Variants in KMT2B observed in about 807,000 individuals in gnomAD.
KMT2B encodes the protein lysine methyltransferase 2B, also known as histone-lysine N-methyltransferase 2B.
A neutral mutation model predicts 255.3 loss-of-function variants in KMT2B; 22 were observed. That is an observed-to-expected ratio of 0.09 (90% CI 0.06 to 0.12). KMT2B has a LOEUF of 0.12. KMT2B is among the 10% of genes least tolerant of loss of function. The pLI is 1.00. For synonymous variants in KMT2B, 1,730 were observed against 1,498.1 expected (o/e 1.15, Z -3.57); for missense variants, 3,149 against 3,737.0 (o/e 0.84, Z 4.10).
rs1969571581 is a variant in KMT2B, at chr19:35,728,842, A to G, written c.4640A>G (p.Glu1547Gly). The change falls in exon 20 of 37, where the codon GAA becomes GGA. Residue 1547 changes from glutamate to glycine, a missense_variant. By Grantham distance (98) the Glu-to-Gly change is moderately conservative. This residue lies in a region of KMT2B where 377 missense variants were observed against 471.0 expected (regional missense o/e 0.80). Transcript: ENST00000420124. ...GTCTATGCGCAGTGGAGACAGCAGG[A>G]ACCAGAGACCCCAGAATCAGGGCAG... ...DHVYAQWRQQ[E>G]PETPESGQPP... is the part of the protein sequence containing the mutation. The G allele has an allele frequency of 6.2e-7, 1 of 1,613,840 alleles. No homozygotes were observed. Among genetic ancestry groups the G allele is most frequent in the South Asian group, 1.1e-5 (1 of 91,090 alleles).
Position 35,729,087 on chromosome 19 carries a change from C to T in KMT2B, c.4779+11C>T. 1.9e-6 allele frequency: 3 copies of T among 1,614,022 alleles called. No individual in the cohort carries two copies. The highest frequency in any genetic ancestry group is 2.5e-6 in the Non-Finnish European group (3 of 1,179,884). On this transcript the variant is annotated intron_variant, in intron 21 of 36. Coordinates refer to ENST00000420124, the MANE Select transcript of KMT2B (RefSeq NM_014727.3). ...GATGCAGACTCCAAGGTGAGGGCTG[C>T]TCTGTGACGCACCAGGTTGTGGGGC...
chr19:35,729,103 G>A, intron 21 of KMT2B, 27 bp downstream of exon 21: 1 of 1,614,000 alleles, frequency 6.2e-7, no homozygotes, highest in Non-Finnish European at 8.5e-7. Flanking sequence ...GACGCACCAG[G>A]TTGTGGGGCC....
At position 35,737,217 on chromosome 19, in the gene KMT2B, C is replaced by A; in HGVS notation, c.7504C>A (p.Pro2502Thr). ...YHQQGEGQEEPPLNPHGAARA... is the reference protein window; with the variant it reads ...YHQQGEGQEETPLNPHGAARA... Reference sequence around the variant, plus strand: ...CCAGCAGGGAGAGGGCCAGGAGGAGCCGCCCCTGAATCCCCATGGGGCTGC... The same window carrying A: ...CCAGCAGGGAGAGGGCCAGGAGGAGACGCCCCTGAATCCCCATGGGGCTGC... The change falls in exon 33 of 37, where the codon CCG becomes ACG. Residue 2502 changes from proline (P) to threonine (T), a missense_variant. Transcript: ENST00000420124. The surrounding 1 kb of genome is among the most constrained non-coding windows in gnomAD (Gnocchi z 5.3). 6.3e-7 allele frequency: 1 copy of A among 1,580,446 alleles called. No individual in the cohort carries two copies. The highest frequency in any genetic ancestry group is 8.6e-7 in the Non-Finnish European group (1 of 1,163,620).
At chr19:35,724,081 AC>A in intron 8 of KMT2B, 74 bp downstream of exon 8, 2 of 1,386,694 alleles carry the variant, frequency 1.4e-6, no homozygotes, top group Non-Finnish European at 1.9e-6. Flanking sequence ...GGGACAAGGC[AC>A]CCAGACCCAG....
chr19:35,727,519 G>A lies in KMT2B; in HGVS notation c.4199G>A (p.Arg1400His), dbSNP rs371324331. The change falls in exon 16 of 37, where the codon CGC becomes CAC. Residue 1400 changes from arginine (R) to histidine (H), a missense_variant. Transcript: ENST00000420124. The surrounding 1 kb of genome is among the most constrained non-coding windows in gnomAD (Gnocchi z 4.2). The stretch of plus-strand genomic sequence containing the variant: ...CCGTGTGCTGGGGCAGCGCAGCCCC[G>A]CTGGCGAGAGGCCCTGAGCGGGGCC... ...CGPCAGAAQP[R>H]WREALSGALQ... 72 of 1,610,226 alleles carry A rather than the reference G, an allele frequency of 4.5e-5. No individual in the cohort carries two copies. The highest frequency in any genetic ancestry group is 5.9e-5 in the Non-Finnish European group (70 of 1,179,724).
At position 35,727,012 on chromosome 19, in the gene KMT2B, C is replaced by T. The variant is rs1177102982; in HGVS notation, c.4004-144C>T. 5 of 482,562 alleles carry T rather than the reference C, an allele frequency of 1.0e-5. No individual in the cohort carries two copies. The highest frequency in any genetic ancestry group is 7.5e-5 in the Admixed American group (2 of 26,722). The allele number at this position is 482,562 out of a possible 1,614,324, so 29.9% of individuals were successfully genotyped here. ...AAAAAAAAAAAAAAAAAAGCCTCAT[C>T]CTCAAGGAGCTTTTAGGGACTAGTA... is the stretch of plus-strand genomic sequence containing the variant. On this transcript the variant is annotated intron_variant, in intron 14 of 36. Coordinates refer to ENST00000420124, the MANE Select transcript of KMT2B (RefSeq NM_014727.3). This position sits in a 1 kb window ranked among gnomAD's most constrained non-coding sequence, Gnocchi z 4.2.
chr19:35,726,047 C>T (rs1969425953), intron 13 of KMT2B, among the ~76,000 whole-genome samples, 189 bp from the exon 14 acceptor site: 1 of 152,124 alleles, frequency 6.6e-6, no homozygotes, highest in Non-Finnish European at 1.5e-5. Context: ...GCTCAGAATC[C>T]CCTGCTATAG....
Position 35,732,723 on chromosome 19 carries a change from T to A in KMT2B, c.6174T>A (p.Ile2058=). The A allele has an allele frequency of 7.5e-6, 12 of 1,610,418 alleles. No individual in the cohort carries two copies. The highest frequency in any genetic ancestry group is 9.3e-6 in the Non-Finnish European group (11 of 1,178,746). Residue 2058 remains isoleucine (I), a synonymous_variant, in exon 28 of 37, where the codon ATT becomes ATA. Transcript: ENST00000420124. ...GCGCTACCCCTGGAGCCCCCCGCAT[T>A]GAACAGCTGGACGGCGTGGACGACG... ...APSATPGAPR[I]EQLDGVDDGT...
chr19:35,721,374 C>T lies in KMT2B; in HGVS notation c.2027C>T (p.Ala676Val), dbSNP rs1204228886. ...LTPPPLGAPE[A>V]PEPEPPPADD... Reference sequence around the variant, plus strand: ...CCTCCTCCTCTTGGGGCTCCTGAAGCCCCTGAGCCAGAGCCTCCTCCTGCC... The same window carrying T: ...CCTCCTCCTCTTGGGGCTCCTGAAGTCCCTGAGCCAGAGCCTCCTCCTGCC... The change falls in exon 3 of 37, where the codon GCC (alanine) becomes GTC (valine). Residue 676 changes from alanine (A) to valine (V), a missense_variant. By Grantham distance (64) the Ala-to-Val change is moderately conservative. Transcript: ENST00000420124. The T allele has an allele frequency of 1.9e-6, 3 of 1,600,482 alleles. No individual in the cohort carries two copies. The highest frequency in any genetic ancestry group is 1.6e-4 in the Middle Eastern group (1 of 6,070).
In KMT2B at chr19:35,720,160, G is replaced by T. The variant is rs1345399152; in HGVS notation, c.813G>T (p.Gly271=). The T allele has an allele frequency of 5.0e-6, 8 of 1,601,242 alleles. No homozygotes were observed. Among genetic ancestry groups the T allele is most frequent in the Non-Finnish European group, 6.0e-6 (7 of 1,174,518 alleles). Residue 271 remains glycine (G), a synonymous_variant, in exon 3 of 37, where the codon GGG becomes GGT. Transcript: ENST00000420124. The part of the protein sequence containing the change: ...HQTGSWKCKE[G]PGPGPGTPRR... ...CTGGCAGCTGGAAATGCAAGGAGGG[G>T]CCCGGTCCAGGACCTGGGACCCCCA...
rs971107355 is a variant in KMT2B, at chr19:35,730,338, C to A, written c.5077-4C>A. 4 of 1,610,228 alleles carry A rather than the reference C, an allele frequency of 2.5e-6. No homozygotes were observed. In the African/African-American group the frequency reaches 5.3e-5, roughly 22 times the overall value. On this transcript the variant is annotated splice_region_variant and splice_polypyrimidine_tract_variant and intron_variant, in intron 23 of 36. Transcript: ENST00000420124. ...CCACCTCACTTTGCCACCCCCTCTT[C>A]CAGGAAATTGTGAACCCCGATGGTT...
In KMT2B at chr19:35,725,400, G is replaced by C. The variant is rs1969394784; in HGVS notation, c.3642+67G>C. 22 of 1,580,148 alleles carry C rather than the reference G, an allele frequency of 1.4e-5. No individual in the cohort carries two copies. The highest frequency in any genetic ancestry group is 1.8e-5 in the Non-Finnish European group (21 of 1,162,082). ...CGGTCCTCACGGCCTGATTCCTTGG[G>C]CCCTCTCAGCTGGGTCTCATCCCTT... is the stretch of plus-strand genomic sequence containing the variant. On this transcript the variant is annotated intron_variant, in intron 11 of 36. Transcript: ENST00000420124. The surrounding 1 kb of genome is among the most constrained non-coding windows in gnomAD (Gnocchi z 4.1).
chr19:35,733,303 G>GGGCCCC lies in KMT2B; in HGVS notation c.6754_6755insGGCCCC (p.Ala2252delinsGlyProPro). 7.5e-7 allele frequency: 1 copy of GGGCCCC among 1,340,094 alleles called. No homozygotes were observed. The highest frequency in any genetic ancestry group is 1.0e-6 in the Non-Finnish European group (1 of 961,262). The allele number at this position is 1,340,094 out of a possible 1,614,324, so 83.0% of individuals were successfully genotyped here. ...GCCCGTGGTCGGAGTGGTCCGCCCT[G>GGGCCCC]CCCCGCCCCCGCCACCCCCTCCCCT... On this transcript the variant is annotated protein_altering_variant, in exon 28 of 37. Transcript: ENST00000420124. The surrounding 1 kb of genome is among the most constrained non-coding windows in gnomAD (Gnocchi z 4.3).
At position 35,720,005 on chromosome 19, in the gene KMT2B, C is replaced by G; in HGVS notation, c.658C>G (p.Arg220Gly). 6.2e-7 allele frequency: 1 copy of G among 1,612,874 alleles called. No homozygotes were observed. The highest frequency in any genetic ancestry group is 8.5e-7 in the Non-Finnish European group (1 of 1,179,596). ...TGAGCCCTCCACCCCCCGGCGGTCTCGGGGACGGCCCCCAGGACGGCCAGC... is the reference window on the plus strand; with the variant it reads ...TGAGCCCTCCACCCCCCGGCGGTCTGGGGGACGGCCCCCAGGACGGCCAGC... ...ACEPSTPRRS[R>G]GRPPGRPAGP... The change falls in exon 3 of 37, where the codon CGG becomes GGG. Residue 220 changes from arginine (R) to glycine (G), a missense_variant. By Grantham distance (125) the Arg-to-Gly change is moderately radical (BLOSUM62 -2). Around this residue, in one of 18 missense-constraint regions of KMT2B, gnomAD observed 1,188 missense variants for 1,106.4 expected, o/e 1.07. Coordinates refer to ENST00000420124, the MANE Select transcript of KMT2B (RefSeq NM_014727.3).
rs751699752 is a variant in KMT2B, at chr19:35,721,209, C to A, written c.1862C>A (p.Pro621His). Residue 621 changes from proline to histidine, a missense_variant, in exon 3 of 37, where the codon CCT (proline) becomes CAT (histidine). Physicochemically the swap from Pro to His is moderately conservative, Grantham distance 77. Around this residue, in one of 18 missense-constraint regions of KMT2B, gnomAD observed 1,188 missense variants for 1,106.4 expected, o/e 1.07. Coordinates refer to ENST00000420124, the MANE Select transcript of KMT2B (RefSeq NM_014727.3). ...TCACTGACCCGGGAGCTGCCCCCTC[C>A]TCCCCCAGCCCCTCCACCTCCCCCG... ...WTSLTRELPP[P>H]PPAPPPPPAP... is the part of the protein sequence containing the mutation. 20 of 1,516,578 alleles carry A rather than the reference C, an allele frequency of 1.3e-5. No individual in the cohort carries two copies. Among genetic ancestry groups the A allele is most frequent in the Non-Finnish European group, 1.6e-5 (18 of 1,126,526 alleles). 93.9% of individuals were successfully genotyped at this position (1,516,578 alleles called of 1,614,324 possible).
chr19:35,732,318 G>T lies in KMT2B; in HGVS notation c.5769G>T (p.Pro1923=), dbSNP rs375845181. 4 of 1,610,722 alleles carry T rather than the reference G, an allele frequency of 2.5e-6. No individual in the cohort carries two copies. The highest frequency in any genetic ancestry group is 2.5e-6 in the Non-Finnish European group (3 of 1,178,582). The change falls in exon 28 of 37, where the codon CCG becomes CCT. Residue 1923 remains proline (P), a synonymous_variant. Transcript: ENST00000420124. ...SRRPSPLAPR[P]PPSRWASPPL... ...GTCCCAGCCCTTTGGCTCCCAGGCC[G>T]CCTCCATCACGGTGGGCCTCCCCTC... is the stretch of plus-strand genomic sequence containing the variant.
At chr19:35,722,530 G>A in intron 4 of KMT2B, 38 bp from the exon 5 acceptor site, 1 of 1,592,108 alleles carries the variant, frequency 6.3e-7, no homozygotes, top group South Asian at 1.1e-5. Context: ...GGCTGCGGGA[G>A]CGCAAGCTGC....
Position 35,730,283 on chromosome 19 carries a change from C to T in KMT2B, c.5077-59C>T. The T allele has an allele frequency of 1.9e-6, 3 of 1,604,902 alleles. No individual in the cohort carries two copies. In the East Asian group the frequency reaches 6.7e-5, roughly 36 times the overall value. ...GCCAAGCCCCTGACTGTTCAGACTT[C>T]CCTGGCATCCACCTCCCCCACCAAT... On this transcript the variant is annotated intron_variant, in intron 23 of 36. Coordinates refer to ENST00000420124, the MANE Select transcript of KMT2B (RefSeq NM_014727.3).
At position 35,721,294 on chromosome 19, in the gene KMT2B, C is replaced by T. The variant is rs1969196960; in HGVS notation, c.1947C>T (p.Ala649=). 2 of 1,519,512 alleles carry T rather than the reference C, an allele frequency of 1.3e-6. No homozygotes were observed. The highest frequency in any genetic ancestry group is 1.8e-6 in the Non-Finnish European group (2 of 1,131,202). 94.1% of individuals were successfully genotyped at this position (1,519,512 alleles called of 1,614,324 possible). A position where few individuals can be genotyped will look rare whatever the true frequency, so the allele number is the denominator to read the frequency against. ...CCCGGAGGCCCCTACTCCTTCGGGCCCCTCAGTTTACCCCAAGCGAAGCCC... is the reference window on the plus strand; with the variant it reads ...CCCGGAGGCCCCTACTCCTTCGGGCTCCTCAGTTTACCCCAAGCGAAGCCC... ...TSSRRPLLLR[A]PQFTPSEAHL... Residue 649 remains alanine, a synonymous_variant, in exon 3 of 37, where the codon GCC becomes GCT. Coordinates refer to ENST00000420124, the MANE Select transcript of KMT2B (RefSeq NM_014727.3).
Sources: allele counts gnomAD v4.1 joint callset (sites outside exome capture counted in the v4.1 genomes callset), GRCh38; gene constraint gnomAD v4.1.1; regional missense constraint gnomAD v4.1.1; non-coding constraint Gnocchi (gnomAD v3.1); transcripts MANE v1.5; gene names NCBI Gene and HGNC (gene_info 2026-07-23, HGNC 2026-07-21).